The following YIPF4 variants were observed in gnomAD, a reference collection of about 807,000 sequenced individuals.
YIPF4 encodes protein YIPF4.
Under a neutral mutation model 29.4 loss-of-function variants are expected in YIPF4, and 18 were observed. The ratio of observed to expected loss-of-function variants is 0.61; its 90% CI spans 0.42 to 0.91. YIPF4 has a LOEUF of 0.91. Ranked by LOEUF, YIPF4 falls within the 40% of genes least tolerant of loss-of-function variation. The probability of loss-of-function intolerance (pLI) is 0.00; values close to 1 mark genes in which losing one functional copy is unlikely to be tolerated. For synonymous variants in YIPF4, 115 were observed against 104.7 expected (o/e 1.10, Z -0.60); for missense variants, 279 against 282.7 (o/e 0.99, Z 0.09).
chr2:32,294,184 C>A (rs752396609), intron 3 of YIPF4, among the ~76,000 whole-genome samples: 245 of 152,172 alleles, frequency 1.6e-3, no homozygotes, highest in Middle Eastern at 3.4e-3. Context: ...CCACCTCCCT[C>A]CCGGACGGGG....
chr2:32,295,055 G>A (rs1227531189), intron 3 of YIPF4, among the ~76,000 whole-genome samples: 3 of 151,722 alleles, frequency 2.0e-5, no homozygotes, highest in East Asian at 1.9e-4. Flanking sequence ...AGGGAGAGGG[G>A]GAGGGGGAGG....
At chr2:32,302,057 G>C (rs1013023605) in intron 5 of YIPF4, among the ~76,000 whole-genome samples, 1 of 143,094 alleles carries the variant, frequency 7.0e-6, no homozygotes, top group African/African-American at 2.6e-5. Context: ...TTGAGACAGA[G>C]TCTTGCTCTG....
chr2:32,280,135 A>ATAT (rs1436742907), intron 1 of YIPF4, among the ~76,000 whole-genome samples: 5 of 141,550 alleles, frequency 3.5e-5, no homozygotes, highest in African/African-American at 1.3e-4. Flanking sequence ...ATATATATAT[A>ATAT]TTTTTTTTTT....
intron 1 of YIPF4, among the ~76,000 whole-genome samples, chr2:32,280,736 C>G (rs1294804080): frequency 2.6e-5 from 4 of 152,102 alleles, no homozygotes; most frequent in African/African-American, 9.7e-5. Flanking sequence ...GTCTCAGATT[C>G]TTGGCCTCCC....
chr2:32,297,441 C>T (rs1372690036), intron 3 of YIPF4, among the ~76,000 whole-genome samples: 1 of 151,858 alleles, frequency 6.6e-6, no homozygotes, highest in Non-Finnish European at 1.5e-5. Flanking sequence ...TTAAGAAGTC[C>T]TACTTCCTTT....
chr2:32,291,398 G>T (rs1050567334), intron 2 of YIPF4, among the ~76,000 whole-genome samples: 1 of 152,140 alleles, frequency 6.6e-6, no homozygotes. Flanking sequence ...GAAAAAATTA[G>T]CCGGGCGTGG....
At chr2:32,291,316 C>G (rs572121206) in intron 2 of YIPF4, among the ~76,000 whole-genome samples, 1 of 152,326 alleles carries the variant, frequency 6.6e-6, no homozygotes, top group South Asian at 2.1e-4. Context: ...GGGCGAATCA[C>G]TTGAGATTAG....
At chr2:32,300,558 A>G (rs2031370157) in intron 4 of YIPF4, among the ~76,000 whole-genome samples, 1 of 152,160 alleles carries the variant, frequency 6.6e-6, no homozygotes, top group South Asian at 2.1e-4. Context: ...ATTTAGAGTA[A>G]CATCTGTGAA....
chr2:32,278,970 G>A (rs2030245811), intron 1 of YIPF4, among the ~76,000 whole-genome samples: 1 of 150,688 alleles, frequency 6.6e-6, no homozygotes. Context: ...TATTCTGCTA[G>A]TCATTTTCAA....
rs913900228 is a variant in YIPF4 at position 32,305,191 on chromosome 2, G to T, written c.598-298G>T. On this transcript the variant is annotated intron_variant, in intron 5 of 5. Coordinates refer to ENST00000238831, the MANE Select transcript of YIPF4 (RefSeq NM_032312.4). ...TTAGAAATTATAGCTCAAAGAAAAA[G>T]AAACAATAAGTTATAATTTAACAGA... is the stretch of plus-strand genomic sequence containing the variant. 3.3e-5 allele frequency among the ~76,000 whole-genome samples: 5 copies of T among 152,144 alleles called. No individual in the cohort carries two copies. In the South Asian group the frequency reaches 6.2e-4, roughly 19 times the overall value.
chr2:32,297,892 A>G (rs1272173418), intron 3 of YIPF4, among the ~76,000 whole-genome samples: 1 of 152,082 alleles, frequency 6.6e-6, no homozygotes, highest in Non-Finnish European at 1.5e-5. Context: ...TCCAGAGAAG[A>G]TTGGTAACTT....
At position 32,278,067 on chromosome 2, in the gene YIPF4, G is replaced by A. The variant is rs924815671; in HGVS notation, c.-89G>A. 6.0e-5 allele frequency: 70 copies of A among 1,170,248 alleles called. No individual in the cohort carries two copies. Among genetic ancestry groups the A allele is most frequent in the Non-Finnish European group, 7.7e-5 (65 of 839,860 alleles). 72.5% of individuals were successfully genotyped at this position (1,170,248 alleles called of 1,614,324 possible). On this transcript the variant is annotated 5_prime_UTR_variant, in exon 1 of 6. Coordinates refer to ENST00000238831, the MANE Select transcript of YIPF4 (RefSeq NM_032312.4). ...CGAGACTCGTAGGCCGCACCGTAGG[G>A]CGAGCGTGCGGGTCGCCGCCGCGGC...
chr2:32,298,606 G>C (rs915615975), intron 4 of YIPF4, among the ~76,000 whole-genome samples: 7 of 152,048 alleles, frequency 4.6e-5, no homozygotes, highest in African/African-American at 1.7e-4. Flanking sequence ...TTGTCATCCT[G>C]CTGCAGTGCA....
intron 3 of YIPF4, among the ~76,000 whole-genome samples, chr2:32,295,171 A>G (rs1376525906): frequency 6.6e-6 from 1 of 152,148 alleles, no homozygotes; most frequent in African/African-American, 2.4e-5. Flanking sequence ...TTGTTTTTAT[A>G]TTACTACTGG....
chr2:32,282,730 C>G (rs2030483566), intron 1 of YIPF4, among the ~76,000 whole-genome samples: 1 of 152,056 alleles, frequency 6.6e-6, no homozygotes, highest in African/African-American at 2.4e-5. Flanking sequence ...CTGTGCCCCG[C>G]CAACTTACCC....
At chr2:32,278,666 G>T (rs1298676842) in intron 1 of YIPF4, among the ~76,000 whole-genome samples, 1 of 152,028 alleles carries the variant, frequency 6.6e-6, no homozygotes, top group African/African-American at 2.4e-5. Context: ...TTTTGGGGGG[G>T]GTCTGGGATC....
chr2:32,280,137 T>TA (rs199832122), intron 1 of YIPF4, among the ~76,000 whole-genome samples: 14,205 of 142,320 alleles, frequency 0.1, 782 homozygotes, highest in Middle Eastern at 0.2. Flanking sequence ...ATATATATAT[T>TA]TTTTTTTTGA....
At chr2:32,290,092 A>T (rs936583564) in intron 1 of YIPF4, among the ~76,000 whole-genome samples, 3 of 152,216 alleles carry the variant, frequency 2.0e-5, no homozygotes, top group African/African-American at 7.2e-5. Flanking sequence ...GCCTCTGAAA[A>T]GAATTTATTC....
rs2031585196 is a variant in YIPF4 at position 32,306,458 on chromosome 2, A to C, written c.*832A>C. 1 of 984,076 alleles carries C rather than the reference A, an allele frequency of 1.0e-6. No individual in the cohort carries two copies. Among genetic ancestry groups the C allele is most frequent in the Non-Finnish European group, 1.2e-6 (1 of 828,520 alleles). 61.0% of individuals were successfully genotyped at this position (984,076 alleles called of 1,614,324 possible). ...AACAGTAATATTTACAGCATCAGTA[A>C]ATATTTTTAAGTGGTACTTCTAAAT... On this transcript the variant is annotated 3_prime_UTR_variant, in exon 6 of 6. Transcript: ENST00000238831.
Sources: allele counts gnomAD v4.1 joint callset (sites outside exome capture counted in the v4.1 genomes callset), GRCh38; gene constraint gnomAD v4.1.1; transcripts MANE v1.5; gene names NCBI Gene and HGNC (gene_info 2026-07-23, HGNC 2026-07-21).